The following CEP128 variants were observed in gnomAD, a reference collection of about 807,000 sequenced individuals.
The protein encoded by CEP128 is centrosomal protein 128kDa.
In CEP128, 132 loss-of-function variants were observed where a neutral mutation model predicts 156.7. The ratio of observed to expected loss-of-function variants is 0.84; its 90% CI spans 0.73 to 0.97. The LOEUF is 0.97. CEP128 is among the 50% of genes least tolerant of loss of function. The probability of loss-of-function intolerance (pLI) is 0.00; values close to 1 mark genes in which losing one functional copy is unlikely to be tolerated. For missense variants in CEP128, 1,252 were observed against 1,281.9 expected (o/e 0.98, Z 0.36); for synonymous variants, 469 against 448.9 (o/e 1.04, Z -0.57).
chr14:80,525,929 T>G (rs1237738349), intron 23 of CEP128, among the ~76,000 whole-genome samples: 1 of 152,184 alleles, frequency 6.6e-6, no homozygotes, highest in African/African-American at 2.4e-5. Context: ...AGTGAATATA[T>G]ACAGTGTAAT....
At chr14:80,731,318 C>T (rs1898260917) in intron 19 of CEP128, among the ~76,000 whole-genome samples, 1 of 152,180 alleles carries the variant, frequency 6.6e-6, no homozygotes, top group Admixed American at 6.5e-5. Flanking sequence ...AAATAACCTG[C>T]CCCCACTTCC....
chr14:80,945,259 G>C (rs998918452), upstream of CEP128, among the ~76,000 whole-genome samples: 1 of 152,032 alleles, frequency 6.6e-6, no homozygotes, highest in Non-Finnish European at 1.5e-5. Context: ...TTCTTGTAAC[G>C]ACACCCGTTA....
chr14:80,865,780 C>T (rs991768228), intron 8 of CEP128, among the ~76,000 whole-genome samples: 9 of 152,078 alleles, frequency 5.9e-5, no homozygotes, highest in African/African-American at 2.2e-4. Context: ...GGAGACGCCA[C>T]ATGTCAAAGA....
chr14:80,764,913 T>C (rs750314519), intron 16 of CEP128, among the ~76,000 whole-genome samples: 13 of 152,230 alleles, frequency 8.5e-5, no homozygotes, highest in South Asian at 2.1e-4. Flanking sequence ...GTGGTCTCCA[T>C]TGTCTGCATG....
chr14:80,592,743 C>A (rs1266416543), intron 19 of CEP128, among the ~76,000 whole-genome samples: 1 of 152,136 alleles, frequency 6.6e-6, no homozygotes, highest in Non-Finnish European at 1.5e-5. Flanking sequence ...TGCAAAAATC[C>A]TAAATAAAAT....
At chr14:80,815,065 C>CAAAA (rs1884773033) in intron 13 of CEP128, among the ~76,000 whole-genome samples, 1 of 149,452 alleles carries the variant, frequency 6.7e-6, no homozygotes, top group African/African-American at 2.5e-5. Flanking sequence ...CTCAAAAAGG[C>CAAAA]AAAAAGAAAC....
chr14:80,828,226 A>C (rs1348054431), intron 13 of CEP128, among the ~76,000 whole-genome samples: 1 of 148,924 alleles, frequency 6.7e-6, no homozygotes, highest in Non-Finnish European at 1.5e-5. Flanking sequence ...AGGTTCAAGC[A>C]ATTCTCCTGC....
Position 80,497,565 on chromosome 14 carries a change from C to G in CEP128, c.3199G>C (p.Val1067Leu), listed in dbSNP as rs771266983. 3.1e-6 allele frequency: 5 copies of G among 1,612,246 alleles called. No homozygotes were observed. Among genetic ancestry groups the G allele is most frequent in the Admixed American group, 1.7e-5 (1 of 59,926 alleles). The change falls in exon 25 of 25, where the codon GTT becomes CTT. Residue 1067 changes from valine to leucine, a missense_variant. Val to Leu is a conservative substitution (Grantham distance 32). Transcript: ENST00000555265. ...SYVNSFTKRTVAPDSASNKED... is the reference protein window; with the variant it reads ...SYVNSFTKRTLAPDSASNKED... ...TTGTTTGAAGCTGAATCTGGAGCAACAGTTCTTTTGGTAAATGCTGGCAAG... is the reference window on the plus strand; with the variant it reads ...TTGTTTGAAGCTGAATCTGGAGCAAGAGTTCTTTTGGTAAATGCTGGCAAG...
intron 19 of CEP128, among the ~76,000 whole-genome samples, chr14:80,655,048 A>G (rs546563994): frequency 2.6e-5 from 4 of 152,206 alleles, no homozygotes; most frequent in South Asian, 4.1e-4. Flanking sequence ...TTAGATGCCA[A>G]TTCCTTTTAA....
At chr14:80,822,734 G>T in intron 13 of CEP128, 1 of 836,960 alleles carries the variant, frequency 1.2e-6, no homozygotes, top group Non-Finnish European at 2.1e-6. Flanking sequence ...TAGCCCTGTA[G>T]AAAATGGAGA....
At chr14:80,793,864 A>G (rs1901847589) in intron 13 of CEP128, among the ~76,000 whole-genome samples, 1 of 152,216 alleles carries the variant, frequency 6.6e-6, no homozygotes, top group Non-Finnish European at 1.5e-5. Flanking sequence ...GTAAATATCT[A>G]TTTTAAGTTT....
intron 20 of CEP128, among the ~76,000 whole-genome samples, chr14:80,575,060 G>T (rs946850753): frequency 3.3e-5 from 5 of 150,108 alleles, no homozygotes; most frequent in African/African-American, 9.7e-5. Context: ...ATATATTCAA[G>T]ATTGTACATA....
chr14:80,615,096 T>C (rs1467539832), intron 19 of CEP128, among the ~76,000 whole-genome samples: 4 of 152,210 alleles, frequency 2.6e-5, no homozygotes, highest in African/African-American at 9.6e-5. Context: ...TTGGAGTATG[T>C]TAATCATTGC....
chr14:80,810,567 A>G (rs1393390482), intron 13 of CEP128, among the ~76,000 whole-genome samples: 2 of 151,868 alleles, frequency 1.3e-5, no homozygotes, highest in East Asian at 1.9e-4. Context: ...TTTCCCATCT[A>G]TGTTCATCAG....
chr14:80,595,729 G>T (rs1406865597), intron 19 of CEP128, among the ~76,000 whole-genome samples: 4 of 152,272 alleles, frequency 2.6e-5, no homozygotes, highest in African/African-American at 9.6e-5. Context: ...ACATACCTGA[G>T]ACTGGGTAAT....
chr14:80,851,738 GA>G (rs1886899333), intron 9 of CEP128, among the ~76,000 whole-genome samples: 1 of 151,814 alleles, frequency 6.6e-6, no homozygotes, highest in Non-Finnish European at 1.5e-5. Flanking sequence ...TAATTTATAA[GA>G]TAAAGTTATT....
intron 9 of CEP128, 24 bp downstream of exon 9, chr14:80,862,733 T>C (rs1367554820): frequency 7.0e-7 from 1 of 1,419,558 alleles, no homozygotes. Context: ...AGATTTACAT[T>C]CCATGAAAGT....
chr14:80,773,742 T>A (rs991800343), intron 16 of CEP128, among the ~76,000 whole-genome samples: 1 of 152,170 alleles, frequency 6.6e-6, no homozygotes, highest in African/African-American at 2.4e-5. Flanking sequence ...TAAAAATATA[T>A]TTCTGATAGA....
At chr14:80,505,143 T>C (rs1008054303) in intron 23 of CEP128, 123 bp from the exon 24 acceptor site, 10 of 369,378 alleles carry the variant, frequency 2.7e-5, no homozygotes, top group African/African-American at 1.5e-4. Flanking sequence ...CACAATTTAA[T>C]ATAATTATAA....
Sources: gnomAD v4.1 joint callset for allele counts (sites outside exome capture counted in the v4.1 genomes callset) on GRCh38, gnomAD v4.1.1 for gene constraint, MANE v1.5 for transcripts, NCBI Gene and HGNC (gene_info 2026-07-23, HGNC 2026-07-21) for gene names.